TBL1X: variants seen among roughly 807,000 people sequenced by gnomAD.
TBL1X encodes F-box-like/WD repeat-containing protein TBL1X.
In TBL1X, 10 loss-of-function variants were observed where a neutral mutation model predicts 50.7. The observed-to-expected ratio is 0.20, with a 90% CI of 0.12 to 0.33. The LOEUF is 0.33. TBL1X is among the 10% of genes least tolerant of loss of function. The pLI is 1.00. For missense variants in TBL1X, 340 were observed against 504.4 expected (o/e 0.67, Z 3.12); for synonymous variants, 190 against 214.7 (o/e 0.88, Z 1.01).
At chrX:9,694,747 G>A (rs1187021573) in intron 11 of TBL1X, among the ~76,000 whole-genome samples, 1 of 111,352 alleles carries the variant, frequency 9.0e-6, no homozygotes, top group East Asian at 2.8e-4. Flanking sequence ...GCCACGGCAG[G>A]CAGATCACCT....
At chrX:9,473,984 C>T (rs922057814) in intron 1 of TBL1X, among the ~76,000 whole-genome samples, 1 of 112,255 alleles carries the variant, frequency 8.9e-6, no homozygotes, top group African/African-American at 3.2e-5. Context: ...GAGTGTAATT[C>T]CTTTAAGCCA....
chrX:9,544,228 G>A (rs894069638), intron 2 of TBL1X, among the ~76,000 whole-genome samples: 1 of 112,491 alleles, frequency 8.9e-6, no homozygotes, highest in African/African-American at 3.2e-5. Flanking sequence ...ATCCCATGGG[G>A]CCTGTGAAAC....
intron 2 of TBL1X, among the ~76,000 whole-genome samples, chrX:9,549,533 A>G (rs1007560060): frequency 8.9e-6 from 1 of 111,935 alleles, no homozygotes; most frequent in South Asian, 3.7e-4. Context: ...CACTGAAGCT[A>G]AAATATTTAC....
intron 2 of TBL1X, among the ~76,000 whole-genome samples, chrX:9,562,477 G>T (rs2082329366): frequency 9.0e-6 from 1 of 111,702 alleles, no homozygotes; most frequent in African/African-American, 3.2e-5. Flanking sequence ...TGTTTATCAA[G>T]CCTCATAAGA....
At chrX:9,715,908 C>T (rs963586470) in intron 17 of TBL1X, among the ~76,000 whole-genome samples, 9 of 112,253 alleles carry the variant, frequency 8.0e-5, no homozygotes, top group African/African-American at 2.9e-4. Context: ...TACTTGGGCT[C>T]GTATTGTCAT....
chrX:9,576,272 G>A (rs1176118927), intron 2 of TBL1X, among the ~76,000 whole-genome samples: 2 of 112,185 alleles, frequency 1.8e-5, no homozygotes, highest in Non-Finnish European at 1.9e-5. Context: ...ATCAGGCCAC[G>A]TCAGTGTGTC....
At chrX:9,677,470 AGGTG>A (rs1217616684) in intron 5 of TBL1X, among the ~76,000 whole-genome samples, 1 of 110,091 alleles carries the variant, frequency 9.1e-6, no homozygotes, top group East Asian at 2.8e-4. Flanking sequence ...ACCTCTCATA[AGGTG>A]GCTTTTGCAG....
intron 2 of TBL1X, among the ~76,000 whole-genome samples, chrX:9,621,741 A>G (rs2082667897): frequency 8.9e-6 from 1 of 112,011 alleles, no homozygotes; most frequent in African/African-American, 3.2e-5. Flanking sequence ...CACCCAGCCC[A>G]TTTCCCAACG....
chrX:9,556,503 A>C (rs1217303607), intron 2 of TBL1X, among the ~76,000 whole-genome samples: 1 of 109,389 alleles, frequency 9.1e-6, no homozygotes, highest in Non-Finnish European at 1.9e-5. Context: ...CTCTAAAAAA[A>C]AAAAAGCCAG....
intron 2 of TBL1X, among the ~76,000 whole-genome samples, chrX:9,570,390 C>T (rs1001323249): frequency 9.0e-6 from 1 of 111,533 alleles, no homozygotes; most frequent in Non-Finnish European, 1.9e-5. Flanking sequence ...GGAGCGCGTA[C>T]CCTCTTCTCA....
intron 2 of TBL1X, among the ~76,000 whole-genome samples, chrX:9,518,128 A>G (rs891549670): frequency 9.0e-5 from 10 of 110,727 alleles, no homozygotes; most frequent in African/African-American, 3.3e-4. Flanking sequence ...AAAAGAAAAA[A>G]ACAGTACCTT....
chrX:9,658,269 G>A (rs759574405), intron 5 of TBL1X, among the ~76,000 whole-genome samples: 1 of 111,269 alleles, frequency 9.0e-6, no homozygotes, highest in South Asian at 3.8e-4. Context: ...TGAGTCCATT[G>A]GCCTCTGTCT....
intron 2 of TBL1X, among the ~76,000 whole-genome samples, chrX:9,513,353 A>G (rs1286801285): frequency 9.1e-6 from 1 of 110,099 alleles, no homozygotes; most frequent in Non-Finnish European, 1.9e-5. Flanking sequence ...CTGATGGTGT[A>G]CTCCAGTGGG....
chrX:9,541,402 G>A (rs1427611371), intron 2 of TBL1X, among the ~76,000 whole-genome samples: 1 of 111,734 alleles, frequency 8.9e-6, no homozygotes, highest in Non-Finnish European at 1.9e-5. Context: ...GCAAAAATCG[G>A]TTCTGGCTAA....
intron 2 of TBL1X, among the ~76,000 whole-genome samples, chrX:9,604,827 CAGG>C (rs942635612): frequency 4.5e-5 from 5 of 110,790 alleles, no homozygotes; most frequent in African/African-American, 1.6e-4. Context: ...CATAGAGGGT[CAGG>C]AGGAGAAGAC....
chrX:9,644,039 G>A (rs1316912656), intron 3 of TBL1X, among the ~76,000 whole-genome samples: 30 of 111,986 alleles, frequency 2.7e-4, no homozygotes. Flanking sequence ...TCTACTGCCA[G>A]AAAGAGACTC....
At chrX:9,653,751 C>T (rs949257514) in intron 4 of TBL1X, 62 bp downstream of exon 4, 11 of 1,015,334 alleles carry the variant, frequency 1.1e-5, no homozygotes, top group Non-Finnish European at 1.5e-5. Flanking sequence ...TTGACATGGC[C>T]GCGGGTGTAC....
At chrX:9,587,727 C>T (rs1289733199) in intron 2 of TBL1X, among the ~76,000 whole-genome samples, 4 of 111,387 alleles carry the variant, frequency 3.6e-5, no homozygotes, top group South Asian at 3.8e-4. Flanking sequence ...GGCGTGCACC[C>T]GTCACCACAG....
chrX:9,670,703 T>C (rs1213541994), intron 5 of TBL1X, among the ~76,000 whole-genome samples: 3 of 112,884 alleles, frequency 2.7e-5, no homozygotes, highest in African/African-American at 6.4e-5. Flanking sequence ...TGCCTTCTTA[T>C]GCAAGACACG....
Sources: gnomAD v4.1 joint callset for allele counts (sites outside exome capture counted in the v4.1 genomes callset) on GRCh38, gnomAD v4.1.1 for gene constraint, MANE v1.5 for transcripts, NCBI Gene and HGNC (gene_info 2026-07-23, HGNC 2026-07-21) for gene names.